TSKS: variants seen among roughly 807,000 people sequenced by gnomAD.
TSKS encodes testis specific serine kinase substrate, also known as testis-specific serine kinase substrate.
Under a neutral mutation model 68.0 loss-of-function variants are expected in TSKS, and 27 were observed. The ratio of observed to expected loss-of-function variants is 0.40; its 90% CI spans 0.29 to 0.55. The LOEUF (loss-of-function observed/expected upper bound fraction) is 0.55, where lower values mean the gene tolerates loss of function less well. Among genes scored for constraint, TSKS ranks in the 20% least tolerant of loss-of-function variants. The pLI is 0.53. For synonymous variants in TSKS, 331 were observed against 340.4 expected (o/e 0.97, Z 0.30); for missense variants, 806 against 776.0 (o/e 1.04, Z -0.46).
At position 49,746,400 on chromosome 19, in the gene TSKS, C is replaced by T. The variant is rs2084300253; in HGVS notation, c.992+70G>A. On this transcript the variant is annotated intron_variant, in intron 6 of 10. Coordinates refer to ENST00000246801, the MANE Select transcript of TSKS (RefSeq NM_021733.2). ...GTCCCTTGGGTCCCGCCCACCGCAT[C>T]TCCTCGAGGCTCCACCCCTGAGTCC... 6.4e-6 allele frequency: 10 copies of T among 1,571,026 alleles called. No homozygotes were observed. In the East Asian group the frequency reaches 2.3e-4, roughly 35 times the overall value.
At chr19:49,756,927 G>A (rs946152017) in intron 2 of TSKS, among the ~76,000 whole-genome samples, 4 of 152,148 alleles carry the variant, frequency 2.6e-5, no homozygotes, top group African/African-American at 9.7e-5. Flanking sequence ...GGGCATGGTG[G>A]TGCACACCTG....
intron 6 of TSKS, among the ~76,000 whole-genome samples, chr19:49,745,908 G>T (rs1462651594): frequency 6.6e-6 from 1 of 152,216 alleles, no homozygotes; most frequent in Non-Finnish European, 1.5e-5. Context: ...TCTAGGCCGG[G>T]CGCGGTGGCT....
At chr19:49,747,075 A>G (rs2084309127) in intron 5 of TSKS, 1 of 1,446,170 alleles carries the variant, frequency 6.9e-7, no homozygotes, top group African/African-American at 1.4e-5. Context: ...GCCACTTGGC[A>G]AGAACAACTG....
intron 2 of TSKS, among the ~76,000 whole-genome samples, chr19:49,749,505 A>G (rs965871639): frequency 2.6e-5 from 4 of 152,226 alleles, no homozygotes; most frequent in Admixed American, 6.5e-5. Flanking sequence ...TTAGCCTGGC[A>G]CATGACTGCC....
chr19:49,760,815 G>A (rs984887680), intron 2 of TSKS, among the ~76,000 whole-genome samples: 15 of 151,878 alleles, frequency 9.9e-5, no homozygotes, highest in South Asian at 2.1e-4. Context: ...AAAGCTGGGC[G>A]TGGTGGCTCA....
rs370046348 is a variant in TSKS, at chr19:49,744,236, A to G, written c.1356T>C (p.Cys452=). 1.2e-5 allele frequency: 19 copies of G among 1,611,014 alleles called. No homozygotes were observed. Among genetic ancestry groups the G allele is most frequent in the Non-Finnish European group, 1.5e-5 (18 of 1,177,546 alleles). The change falls in exon 8 of 11, where the codon TGT becomes TGC. Residue 452 remains cysteine, a synonymous_variant. Transcript: ENST00000246801. ...DRSHQGNCAR[C]ASQGSQLSTE... ...GGCAAGCCCAGCCCCGTTACCTGGC[A>G]CAGCGGGCACAGTTGCCTTGGTGGG...
At chr19:49,740,283 C>A (rs191648896) in intron 9 of TSKS, 100 bp from the exon 10 acceptor site, 21 of 1,398,430 alleles carry the variant, frequency 1.5e-5, no homozygotes, top group Non-Finnish European at 2.0e-5. Context: ...CCCATGGGGC[C>A]CACATTTCTC....
intron 9 of TSKS, chr19:49,740,442 T>C (rs2084242910): frequency 2.1e-6 from 1 of 479,714 alleles, no homozygotes; most frequent in East Asian, 3.5e-5. Context: ...AAGCACTAAA[T>C]CAGTGCCTAT....
intron 1 of TSKS, among the ~76,000 whole-genome samples, chr19:49,762,826 C>A (rs1252288977): frequency 1.3e-5 from 2 of 151,946 alleles, no homozygotes; most frequent in Non-Finnish European, 2.9e-5. Flanking sequence ...CCTTCTCCTT[C>A]TTCCCTCCCC....
At chr19:49,757,022 T>C (rs2084397881) in intron 2 of TSKS, among the ~76,000 whole-genome samples, 1 of 152,156 alleles carries the variant, frequency 6.6e-6, no homozygotes, top group Non-Finnish European at 1.5e-5. Flanking sequence ...ATTGCGCCAC[T>C]GCACTCCAGC....
rs1452074139 is a variant in TSKS at position 49,751,218 on chromosome 19, C to T, written c.400-2749G>A. Among the ~76,000 whole-genome samples the T allele has an allele frequency of 7.5e-5, 11 of 147,616 alleles. No homozygotes were observed. The South Asian group carries it at 1.5e-3, about 20-fold the overall frequency. ...ACTTGGGAGGCTGACACAGGAGAAT[C>T]GCTTGAATCCAGGAGGCGGAGGTTG... is the stretch of plus-strand genomic sequence containing the variant. On this transcript the variant is annotated intron_variant, in intron 2 of 10. Coordinates refer to ENST00000246801, the MANE Select transcript of TSKS (RefSeq NM_021733.2).
At chr19:49,752,240 C>G (rs1854413813) in intron 2 of TSKS, among the ~76,000 whole-genome samples, 1 of 152,104 alleles carries the variant, frequency 6.6e-6, no homozygotes, top group Admixed American at 6.5e-5. Context: ...AAAAATTCGC[C>G]AGGAATAGTG....
At chr19:49,748,289 G>T in intron 3 of TSKS, 85 bp downstream of exon 3, 1 of 1,555,372 alleles carries the variant, frequency 6.4e-7, no homozygotes, top group Non-Finnish European at 8.9e-7. Context: ...ACTGAGCTAT[G>T]GGTGCATTCT....
chr19:49,746,616 G>C lies in TSKS; in HGVS notation c.846C>G (p.Cys282Trp). Residue 282 changes from cysteine to tryptophan, a missense_variant, in exon 6 of 11, where the codon TGC becomes TGG. Coordinates refer to ENST00000246801, the MANE Select transcript of TSKS (RefSeq NM_021733.2). ...SLGPAATSQG[C>W]PGPPGSPDKP... ...TGTCGGGACTCCCTGGCGGGCCGGG[G>C]CAGCCCTGGGACGTGGCGGCGGGGC... 2 of 1,610,878 alleles carry C rather than the reference G, an allele frequency of 1.2e-6. No homozygotes were observed.
At chr19:49,751,275 G>A (rs546747534) in intron 2 of TSKS, among the ~76,000 whole-genome samples, 2 of 131,164 alleles carry the variant, frequency 1.5e-5, no homozygotes, top group South Asian at 4.9e-4. Flanking sequence ...TTGCACTCCA[G>A]CCTGGGCGAC....
intron 2 of TSKS, 89 bp downstream of exon 2, chr19:49,761,915 C>T: frequency 8.8e-7 from 1 of 1,141,154 alleles, no homozygotes; most frequent in Non-Finnish European, 1.3e-6. Flanking sequence ...AACTCCAAGT[C>T]AAAAACACCC....
At chr19:49,752,496 T>C (rs2084359885) in intron 2 of TSKS, among the ~76,000 whole-genome samples, 1 of 152,060 alleles carries the variant, frequency 6.6e-6, no homozygotes, top group Admixed American at 6.6e-5. Flanking sequence ...GCTGAGCAGA[T>C]GTTGGCACCA....
rs1405780563 is a variant in TSKS, at chr19:49,739,884, G to C, written c.1671C>G (p.Leu557=). The change falls in exon 11 of 11, where the codon CTC becomes CTG. Residue 557 remains leucine, a synonymous_variant. Coordinates refer to ENST00000246801, the MANE Select transcript of TSKS (RefSeq NM_021733.2). ...GTGGCAGGTTGCTGAGATGATCGTG[G>C]AGGGAGCACATCTTCAAGTGTAGAT... ...LDHLHLKMCS[L]HDHLSNLPLE... 6.2e-7 allele frequency: 1 copy of C among 1,614,090 alleles called. No individual in the cohort carries two copies. The highest frequency in any genetic ancestry group is 2.2e-5 in the East Asian group (1 of 44,856).
chr19:49,747,155 C>G (rs2084309956), intron 5 of TSKS: 1 of 1,536,056 alleles, frequency 6.5e-7, no homozygotes, highest in African/African-American at 1.4e-5. Flanking sequence ...ACCTGAAGTC[C>G]AGCTCGATTC....
Sources: gnomAD v4.1 joint callset for allele counts (sites outside exome capture counted in the v4.1 genomes callset) on GRCh38, gnomAD v4.1.1 for gene constraint, MANE v1.5 for transcripts, NCBI Gene and HGNC (gene_info 2026-07-23, HGNC 2026-07-21) for gene names.